LAX1: variants seen among roughly 807,000 people sequenced by gnomAD.
The protein encoded by LAX1 is lymphocyte transmembrane adapter 1.
Under a neutral mutation model 20.7 loss-of-function variants are expected in LAX1, and 17 were observed. That is an observed-to-expected ratio of 0.82 (90% CI 0.56 to 1.23). LAX1 has a LOEUF of 1.23. Among genes scored for constraint, LAX1 ranks in the 50% most tolerant of loss-of-function variants. The pLI is 0.00. For missense variants in LAX1, 470 were observed against 487.0 expected (o/e 0.97, Z 0.33); for synonymous variants, 165 against 181.0 (o/e 0.91, Z 0.71).
Position 203,774,544 on chromosome 1 carries a change from A to T in LAX1, c.1060A>T (p.Ser354Cys). ...TGCAGACTTTCAGCCATTCACACAG[A>T]GTGAGGACAGTCAGATGAAACATAG... is the stretch of plus-strand genomic sequence containing the variant. ...DYADFQPFTQ[S>C]EDSQMKHREE... The change falls in exon 5 of 5, where the codon AGT becomes TGT. Residue 354 changes from serine to cysteine, a missense_variant. Transcript: ENST00000442561. 6.2e-7 allele frequency: 1 copy of T among 1,614,182 alleles called. No individual in the cohort carries two copies. Among genetic ancestry groups the T allele is most frequent in the Non-Finnish European group, 8.5e-7 (1 of 1,180,026 alleles).
At chr1:203,768,254 T>G (rs1450035188) in intron 1 of LAX1, among the ~76,000 whole-genome samples, 1 of 152,056 alleles carries the variant, frequency 6.6e-6, no homozygotes. Flanking sequence ...GAGGTTGTGG[T>G]GAGCCAAGAT....
chr1:203,773,676 C>T (rs535543477), intron 4 of LAX1, among the ~76,000 whole-genome samples, 199 bp from the exon 5 acceptor site: 89 of 150,610 alleles, frequency 5.9e-4, no homozygotes, highest in Middle Eastern at 3.4e-3. Flanking sequence ...TCGTCCCACC[C>T]GCACCCCCCC....
chr1:203,771,393 G>C lies in LAX1; in HGVS notation c.226G>C (p.Val76Leu). The change falls in exon 3 of 5, where the codon GTC becomes CTC. Residue 76 changes from valine to leucine, a missense_variant. By Grantham distance (32) the Val-to-Leu change is conservative. Transcript: ENST00000442561. ...KRQVPYLRVT[V>L]MPLLTLPQTR... is the part of the protein sequence containing the mutation. ...ACAAGTTCCTTACCTCCGAGTTACC[G>C]TCATGCCCTTGCTGACTTTGCCACA... 3 of 1,613,556 alleles carry C rather than the reference G, an allele frequency of 1.9e-6. No individual in the cohort carries two copies. The highest frequency in any genetic ancestry group is 2.5e-6 in the Non-Finnish European group (3 of 1,179,558).
In LAX1 at chr1:203,775,558, A is replaced by T. The variant is rs1265723323; in HGVS notation, c.*877A>T. The stretch of plus-strand genomic sequence containing the variant: ...GCATAACTTATCATATGGCCCAGCC[A>T]TTTCACTACTAGAAATTGACGCAAG... On this transcript the variant is annotated 3_prime_UTR_variant, in exon 5 of 5. Transcript: ENST00000442561. 2 of 152,202 alleles carry T rather than the reference A, an allele frequency of 1.3e-5. No homozygotes were observed. Among genetic ancestry groups the T allele is most frequent in the African/African-American group, 2.4e-5 (1 of 41,450 alleles). The allele number at this position is 152,202 out of a possible 1,614,324, so 9.4% of individuals were successfully genotyped here.
intron 1 of LAX1, among the ~76,000 whole-genome samples, chr1:203,767,915 A>C (rs1667330683): frequency 6.6e-6 from 1 of 152,172 alleles, no homozygotes; most frequent in Non-Finnish European, 1.5e-5. Context: ...AATTGAGCCC[A>C]GGAGTTCAAA....
At position 203,774,766 on chromosome 1, in the gene LAX1, T is replaced by A. The variant is rs543825735; in HGVS notation, c.*85T>A. 3.4e-5 allele frequency: 38 copies of A among 1,106,094 alleles called. No individual in the cohort carries two copies. In the South Asian group the frequency reaches 5.6e-4, roughly 16 times the overall value. The allele number at this position is 1,106,094 out of a possible 1,614,324, so 68.5% of individuals were successfully genotyped here. A position where few individuals can be genotyped will look rare whatever the true frequency, so the allele number is the denominator to read the frequency against. ...TGCAGAGTCTAGTGCAGACCCGTGATCACCTTAGTGCTTCAGTGGATTCAC... is the reference window on the plus strand; with the variant it reads ...TGCAGAGTCTAGTGCAGACCCGTGAACACCTTAGTGCTTCAGTGGATTCAC... On this transcript the variant is annotated 3_prime_UTR_variant, in exon 5 of 5. Coordinates refer to ENST00000442561, the MANE Select transcript of LAX1 (RefSeq NM_017773.4).
chr1:203,765,237 C>A lies in LAX1; in HGVS notation c.-329C>A. 3 of 1,005,628 alleles carry A rather than the reference C, an allele frequency of 3.0e-6. No homozygotes were observed. The highest frequency in any genetic ancestry group is 4.6e-6 in the Non-Finnish European group (3 of 657,200). The allele number at this position is 1,005,628 out of a possible 1,614,324, so 62.3% of individuals were successfully genotyped here. On this transcript the variant is annotated 5_prime_UTR_variant, in exon 1 of 5. Transcript: ENST00000442561. ...GCTTCTCACGGAGCCTCTCTTGAGC[C>A]TCTTGGCAGTTTCCCCCTCTGTGCC...
At chr1:203,766,951 G>A (rs528494038) in intron 1 of LAX1, among the ~76,000 whole-genome samples, 24 of 152,120 alleles carry the variant, frequency 1.6e-4, no homozygotes, top group African/African-American at 5.1e-4. Context: ...CACCTCCCAG[G>A]TTCAAGCTAT....
intron 4 of LAX1, among the ~76,000 whole-genome samples, chr1:203,772,519 C>T (rs1667439073): frequency 6.6e-6 from 1 of 152,068 alleles, no homozygotes; most frequent in South Asian, 2.1e-4. Flanking sequence ...CTTCTGCTTC[C>T]CAGGTTCAAG....
At position 203,774,584 on chromosome 1, in the gene LAX1, A is replaced by G; in HGVS notation, c.1100A>G (p.Asn367Ser). 2 of 1,614,226 alleles carry G rather than the reference A, an allele frequency of 1.2e-6. No homozygotes were observed. Among genetic ancestry groups the G allele is most frequent in the Non-Finnish European group, 1.7e-6 (2 of 1,180,036 alleles). The change falls in exon 5 of 5, where the codon AAT becomes AGT. Residue 367 changes from asparagine (N) to serine (S), a missense_variant. By Grantham distance (46) the Asn-to-Ser change is conservative (BLOSUM62 1). Transcript: ENST00000442561. The part of the protein sequence containing the change: ...SQMKHREEMS[N>S]EDSSDYENVL... ...ATGAAACATAGAGAAGAGATGTCAA[A>G]TGAGGACTCCAGTGACTATGAAAAT...
intron 1 of LAX1, among the ~76,000 whole-genome samples, chr1:203,767,035 T>A (rs1003658053): frequency 2.6e-5 from 4 of 151,826 alleles, no homozygotes; most frequent in African/African-American, 7.3e-5. Flanking sequence ...TTTTTTTGTA[T>A]TTTTAGTAGA....
At chr1:203,773,801 T>C in intron 4 of LAX1, 74 bp from the exon 5 acceptor site, 1 of 522,444 alleles carries the variant, frequency 1.9e-6, no homozygotes, top group African/African-American at 2.2e-5. Context: ...ATGCCAGTGG[T>C]ATTTTCCAAG....
intron 1 of LAX1, 25 bp downstream of exon 1, chr1:203,765,679 C>A: frequency 6.2e-7 from 1 of 1,610,930 alleles, no homozygotes; most frequent in Non-Finnish European, 8.5e-7. Context: ...GTGGTGAGCT[C>A]CACCCTGCCC....
At position 203,770,940 on chromosome 1, in the gene LAX1, G is replaced by C; in HGVS notation, c.199+3G>C. 1 of 1,603,334 alleles carries C rather than the reference G, an allele frequency of 6.2e-7. No homozygotes were observed. Among genetic ancestry groups the C allele is most frequent in the Non-Finnish European group, 8.5e-7 (1 of 1,170,116 alleles). The stretch of plus-strand genomic sequence containing the variant: ...GAATTGGAATAAACGGAAGAAGCGT[G>C]AGTCCCTTGTTTGTCCTGAGTTGAG... On this transcript the variant is annotated splice_donor_region_variant and intron_variant, in intron 2 of 4. Coordinates refer to ENST00000442561, the MANE Select transcript of LAX1 (RefSeq NM_017773.4).
At position 203,765,591 on chromosome 1, in the gene LAX1, C is replaced by T. The variant is rs776041581; in HGVS notation, c.26C>T (p.Ser9Leu). The change falls in exon 1 of 5, where the codon TCG (serine) becomes TTG (leucine). Residue 9 changes from serine to leucine, a missense_variant. Coordinates refer to ENST00000442561, the MANE Select transcript of LAX1 (RefSeq NM_017773.4). MDGVTPTL[S>L]TIRGRTLESS... ...ATGGATGGTGTCACTCCAACCCTTTCGACAATCAGAGGGAGGACCTTGGAG... is the reference window on the plus strand; with the variant it reads ...ATGGATGGTGTCACTCCAACCCTTTTGACAATCAGAGGGAGGACCTTGGAG... 6.8e-6 allele frequency: 11 copies of T among 1,614,036 alleles called. No homozygotes were observed. The highest frequency in any genetic ancestry group is 1.6e-4 in the Middle Eastern group (1 of 6,084).
intron 1 of LAX1, 45 bp from the exon 2 acceptor site, chr1:203,770,783 T>C (rs748669662): frequency 6.7e-7 from 1 of 1,486,474 alleles, no homozygotes; most frequent in East Asian, 2.3e-5. Flanking sequence ...CTCCAGCCTC[T>C]CCACCCTCCT....
Position 203,771,475 on chromosome 1 carries a change from TG to T in LAX1, c.310+1del. 7 of 1,590,332 alleles carry T rather than the reference TG, an allele frequency of 4.4e-6. No homozygotes were observed. The highest frequency in any genetic ancestry group is 6.0e-6 in the Non-Finnish European group (7 of 1,158,478). On this transcript the variant is annotated frameshift_variant and splice_region_variant, in exon 3 of 5. Transcript: ENST00000442561. LOFTEE classifies it high-confidence loss of function. ...ATCTTGCCTTGGCGACAGGAAGACCTGGGTAGGTTTTTCCTTCTAATCTATG... is the reference window on the plus strand; with the variant it reads ...ATCTTGCCTTGGCGACAGGAAGACCTGGTAGGTTTTTCCTTCTAATCTATG... ...YDILPWRQEDLGRHESRSMRI... is the reference protein window; with the variant it reads ...YDILPWRQEDXGRHESRSMRI...
At position 203,765,384 on chromosome 1, in the gene LAX1, G is replaced by A. The variant is rs1667288043; in HGVS notation, c.-182G>A. 2 of 1,551,772 alleles carry A rather than the reference G, an allele frequency of 1.3e-6. No individual in the cohort carries two copies. The highest frequency in any genetic ancestry group is 1.7e-6 in the Non-Finnish European group (2 of 1,147,032). On this transcript the variant is annotated 5_prime_UTR_variant, in exon 1 of 5. Transcript: ENST00000442561. Reference sequence around the variant, plus strand: ...TGCAGTGGGCATTAGCCACGTCCAGGTAGAACCAAACCTGTTGCTTTTGTA... The same window carrying A: ...TGCAGTGGGCATTAGCCACGTCCAGATAGAACCAAACCTGTTGCTTTTGTA...
rs1667474759 is a variant in LAX1, at chr1:203,774,383, C to T, written c.899C>T (p.Ala300Val). The change falls in exon 5 of 5, where the codon GCA becomes GTA. Residue 300 changes from alanine (A) to valine (V), a missense_variant. Transcript: ENST00000442561. ...AGAGACTATGAAAATGTTCCAGCAG[C>T]AGATCCCAGTGGAAGCCAGCAGCAG... ...CCRDYENVPA[A>V]DPSGSQQQAE... 1 of 1,614,078 alleles carries T rather than the reference C, an allele frequency of 6.2e-7. No homozygotes were observed. Among genetic ancestry groups the T allele is most frequent in the Non-Finnish European group, 8.5e-7 (1 of 1,180,052 alleles).
Sources: gnomAD v4.1 joint callset for allele counts (sites outside exome capture counted in the v4.1 genomes callset) on GRCh38, gnomAD v4.1.1 for gene constraint, MANE v1.5 for transcripts, NCBI Gene and HGNC (gene_info 2026-07-23, HGNC 2026-07-21) for gene names.